CACNA1B: variants seen among roughly 807,000 people sequenced by gnomAD.
CACNA1B encodes the protein calcium voltage-gated channel subunit alpha1 B.
CACNA1B carries 70 observed loss-of-function variants against 247.2 expected under a neutral mutation model. That is an observed-to-expected ratio of 0.28 (90% CI 0.23 to 0.35). The LOEUF is 0.35. Among genes scored for constraint, CACNA1B ranks in the 10% least tolerant of loss-of-function variants. The pLI, the probability that CACNA1B is intolerant of heterozygous loss-of-function variation, is 1.00. For synonymous variants in CACNA1B, 1,231 were observed against 1,294.4 expected (o/e 0.95, Z 1.05); for missense variants, 2,367 against 3,197.4 (o/e 0.74, Z 6.26).
Position 138,059,135 on chromosome 9 carries a change from C to T in CACNA1B, c.4530C>T (p.Phe1510=). The T allele has an allele frequency of 6.2e-7, 1 of 1,613,068 alleles. No individual in the cohort carries two copies. The change falls in exon 30 of 47, where the codon TTC becomes TTT. Residue 1510 remains phenylalanine (F), a synonymous_variant. Transcript: ENST00000371372. The surrounding 1 kb of genome is among the most constrained non-coding windows in gnomAD (Gnocchi z 4.2). ...TGCTGAAATGCCTGAACATCGTGTTCACATCCATGTTCTCCATGGAATGCG... is the reference window on the plus strand; with the variant it reads ...TGCTGAAATGCCTGAACATCGTGTTTACATCCATGTTCTCCATGGAATGCG... ...ELMLKCLNIV[F]TSMFSMECVL... is the part of the protein sequence containing the mutation.
intron 18 of CACNA1B, among the ~76,000 whole-genome samples, chr9:138,019,844 A>G (rs1018305272): frequency 5.3e-5 from 8 of 152,058 alleles, no homozygotes; most frequent in Admixed American, 2.0e-4. Context: ...CACACCTGTA[A>G]TCTAGCACTT....
chr9:137,897,523 T>C (rs571182225), intron 3 of CACNA1B, among the ~76,000 whole-genome samples: 2 of 152,246 alleles, frequency 1.3e-5, no homozygotes, highest in African/African-American at 4.8e-5. Flanking sequence ...GAGGTTGCGA[T>C]GAGCCGAGAT....
intron 31 of CACNA1B, among the ~76,000 whole-genome samples, chr9:138,060,137 C>A (rs532412144): frequency 1.4e-4 from 21 of 152,254 alleles, no homozygotes; most frequent in South Asian, 4.2e-4. Context: ...CTATCTCTCT[C>A]TATATATATC....
chr9:138,023,479 C>T lies in CACNA1B; in HGVS notation c.2736C>T (p.Pro912=), dbSNP rs1374247714. The T allele has an allele frequency of 1.4e-5, 16 of 1,134,712 alleles. No homozygotes were observed. In the East Asian group the frequency reaches 6.2e-4, roughly 44 times the overall value. The allele number at this position is 1,134,712 out of a possible 1,614,324, so 70.3% of individuals were successfully genotyped here. Reference sequence around the variant, plus strand: ...GCGAGCGCGGCCGAGGCCCAGGCCCCGAGGGCGGCCGGCGGCACCACCGGC... The same window carrying T: ...GCGAGCGCGGCCGAGGCCCAGGCCCTGAGGGCGGCCGGCGGCACCACCGGC... The part of the protein sequence containing the change: ...ARSERGRGPG[P]EGGRRHHRRG... The change falls in exon 19 of 47, where the codon CCC becomes CCT. Residue 912 remains proline, a synonymous_variant. Coordinates refer to ENST00000371372, the MANE Select transcript of CACNA1B (RefSeq NM_000718.4).
intron 15 of CACNA1B, among the ~76,000 whole-genome samples, chr9:137,991,414 A>G (rs1055713863): frequency 2.7e-4 from 41 of 152,250 alleles, no homozygotes; most frequent in African/African-American, 9.6e-4. Flanking sequence ...TCCAAGAAGT[A>G]TGGGACTAAG....
chr9:138,017,460 T>G (rs1958807664), intron 18 of CACNA1B, among the ~76,000 whole-genome samples: 1 of 152,226 alleles, frequency 6.6e-6, no homozygotes, highest in Admixed American at 6.5e-5. Flanking sequence ...TGCTGCCTGT[T>G]GTGTCCGCTC....
rs887597988 is a variant in CACNA1B, at chr9:137,950,250, C to T, written c.967-2024C>T. Among the ~76,000 whole-genome samples, 1 of 152,174 alleles carries T rather than the reference C, an allele frequency of 6.6e-6. No individual in the cohort carries two copies. Among genetic ancestry groups the T allele is most frequent in the Non-Finnish European group, 1.5e-5 (1 of 68,036 alleles). On this transcript the variant is annotated intron_variant, in intron 6 of 46. Transcript: ENST00000371372. The surrounding 1 kb of genome is among the most constrained non-coding windows in gnomAD (Gnocchi z 4.8). Reference sequence around the variant, plus strand: ...TTAGAGGTGCCTTGTTCTTGTTCTCCACGTGATTTCTGCACACTGTGTGTG... The same window carrying T: ...TTAGAGGTGCCTTGTTCTTGTTCTCTACGTGATTTCTGCACACTGTGTGTG...
chr9:137,961,075 T>A (rs979417146), intron 10 of CACNA1B, among the ~76,000 whole-genome samples: 2 of 152,214 alleles, frequency 1.3e-5, no homozygotes, highest in Admixed American at 1.3e-4. Context: ...TCAGCACCGT[T>A]TATTAAGTAG....
intron 6 of CACNA1B, among the ~76,000 whole-genome samples, chr9:137,928,651 C>G (rs892679727): frequency 6.6e-6 from 1 of 152,048 alleles, no homozygotes; most frequent in African/African-American, 2.4e-5. Context: ...ATAAAATTCA[C>G]CATTTTAAAG....
chr9:137,989,885 A>G (rs1958412110), intron 15 of CACNA1B, among the ~76,000 whole-genome samples: 2 of 152,200 alleles, frequency 1.3e-5, no homozygotes, highest in South Asian at 2.1e-4. Flanking sequence ...AAAACAGGAA[A>G]TGGAACCATT....
At chr9:138,005,516 A>G (rs1016936593) in intron 15 of CACNA1B, among the ~76,000 whole-genome samples, 1 of 152,240 alleles carries the variant, frequency 6.6e-6, no homozygotes, top group Non-Finnish European at 1.5e-5. Flanking sequence ...ACAGTTAGAT[A>G]GAAGGAGCGA....
intron 39 of CACNA1B, among the ~76,000 whole-genome samples, 179 bp downstream of exon 39, chr9:138,105,986 C>T (rs550569095): frequency 1.6e-4 from 25 of 152,258 alleles, no homozygotes; most frequent in African/African-American, 5.5e-4. Flanking sequence ...GCCTGGTAAC[C>T]GTCTGCACAT....
At chr9:138,043,652 A>G in intron 20 of CACNA1B, 122 bp from the exon 21 acceptor site, 1 of 1,072,324 alleles carries the variant, frequency 9.3e-7, no homozygotes, top group South Asian at 1.4e-5. Context: ...CTGCTTGCCC[A>G]TCCCTGGTGG....
intron 20 of CACNA1B, among the ~76,000 whole-genome samples, chr9:138,026,432 G>T (rs1176158956): frequency 1.3e-5 from 2 of 152,106 alleles, no homozygotes; most frequent in East Asian, 3.9e-4. Context: ...GGCTCCCTAT[G>T]CTCTTCCCCA....
At chr9:138,039,055 G>A (rs891324126) in intron 20 of CACNA1B, among the ~76,000 whole-genome samples, 3 of 152,036 alleles carry the variant, frequency 2.0e-5, no homozygotes, top group African/African-American at 7.2e-5. Context: ...AATTAGCCGG[G>A]TGTAGTGGGG....
intron 10 of CACNA1B, among the ~76,000 whole-genome samples, chr9:137,958,970 G>A (rs1957980520): frequency 6.6e-6 from 1 of 152,072 alleles, no homozygotes; most frequent in Non-Finnish European, 1.5e-5. Context: ...CAGTTTTCTA[G>A]TGAGTTTGTT....
chr9:138,062,450 G>C (rs1033653359), intron 31 of CACNA1B, among the ~76,000 whole-genome samples: 1 of 152,178 alleles, frequency 6.6e-6, no homozygotes, highest in Non-Finnish European at 1.5e-5. Context: ...GTTGTGTGCT[G>C]TGTCCTCTAG....
chr9:138,066,570 G>A (rs1004142570), intron 31 of CACNA1B, among the ~76,000 whole-genome samples: 3 of 152,160 alleles, frequency 2.0e-5, no homozygotes, highest in Non-Finnish European at 2.9e-5. Flanking sequence ...GAAGCAGAGC[G>A]ATCACAGGGC....
chr9:137,935,610 T>A (rs1365205501), intron 6 of CACNA1B, among the ~76,000 whole-genome samples: 1 of 152,334 alleles, frequency 6.6e-6, no homozygotes, highest in East Asian at 1.9e-4. Context: ...ATCCTTTGGG[T>A]ATATACCCAG....
Sources: gnomAD v4.1 joint callset for allele counts (sites outside exome capture counted in the v4.1 genomes callset) on GRCh38, gnomAD v4.1.1 for gene constraint, Gnocchi (gnomAD v3.1) non-coding constraint, MANE v1.5 for transcripts, NCBI Gene and HGNC (gene_info 2026-07-23, HGNC 2026-07-21) for gene names.